BCKDHB: variants seen among roughly 807,000 people sequenced by gnomAD.
The protein encoded by BCKDHB is branched chain keto acid dehydrogenase E1 subunit beta.
In BCKDHB, 41 loss-of-function variants were observed where a neutral mutation model predicts 48.5. The observed-to-expected ratio is 0.85, with a 90% CI of 0.66 to 1.10. BCKDHB has a LOEUF of 1.10. BCKDHB is among the 50% of genes least tolerant of loss of function. BCKDHB has a pLI of 0.00. For missense variants in BCKDHB, 496 were observed against 494.2 expected, an observed-to-expected ratio of 1.00 and a Z score of -0.03; for synonymous variants, 201 against 174.8, an observed-to-expected ratio of 1.15 and a Z score of -1.18.
chr6:80,308,695 C>T (rs1001772386), intron 9 of BCKDHB, among the ~76,000 whole-genome samples: 1 of 150,214 alleles, frequency 6.7e-6, no homozygotes, highest in East Asian at 2.0e-4. Flanking sequence ...CCCAGGTTCA[C>T]GCCATTCTCC....
chr6:80,250,207 A>G (rs1776779961), intron 8 of BCKDHB, among the ~76,000 whole-genome samples: 2 of 152,132 alleles, frequency 1.3e-5, no homozygotes, highest in African/African-American at 2.4e-5. Context: ...GGTTGAGGAG[A>G]TAACTGAAGC....
At chr6:80,341,706 C>T (rs1769914681) in intron 9 of BCKDHB, among the ~76,000 whole-genome samples, 1 of 152,144 alleles carries the variant, frequency 6.6e-6, no homozygotes, top group Admixed American at 6.5e-5. Flanking sequence ...CATTTTATAA[C>T]AGGTATAAAA....
the BCKDHB span, among the ~76,000 whole-genome samples, chr6:80,400,918 CA>C: frequency 7.9e-5 from 12 of 151,966 alleles, no homozygotes; most frequent in Non-Finnish European, 1.5e-5. Flanking sequence ...CTGGCAGCAA[CA>C]TGGATGGAGC....
chr6:80,352,559 ATTGC>A, the BCKDHB span, among the ~76,000 whole-genome samples: 1 of 152,274 alleles, frequency 6.6e-6, no homozygotes, highest in South Asian at 2.1e-4. Context: ...TTAGGTTTCT[ATTGC>A]TTGCAACCAA....
chr6:80,196,615 G>GA (rs1359954917), intron 6 of BCKDHB, among the ~76,000 whole-genome samples: 1 of 151,990 alleles, frequency 6.6e-6, no homozygotes, highest in African/African-American at 2.4e-5. Context: ...ACTATTCAAT[G>GA]AAAAATGTAT....
intron 8 of BCKDHB, among the ~76,000 whole-genome samples, chr6:80,222,082 A>T (rs905110050): frequency 6.6e-6 from 1 of 152,114 alleles, no homozygotes; most frequent in African/African-American, 2.4e-5. Context: ...TGAACATTGT[A>T]CCCAGTGGGT....
chr6:80,177,703 A>G (rs1462507686), intron 6 of BCKDHB, among the ~76,000 whole-genome samples: 1 of 152,164 alleles, frequency 6.6e-6, no homozygotes, highest in Non-Finnish European at 1.5e-5. Flanking sequence ...CTGTAGTACT[A>G]TCAAGGTAGA....
At chr6:80,318,723 A>G (rs1421735431) in intron 9 of BCKDHB, among the ~76,000 whole-genome samples, 2 of 151,598 alleles carry the variant, frequency 1.3e-5, no homozygotes, top group Non-Finnish European at 2.9e-5. Flanking sequence ...ATTAGAAAAA[A>G]AAATTGTACT....
At chr6:80,353,302 A>G in the BCKDHB span, among the ~76,000 whole-genome samples, 16 of 152,264 alleles carry the variant, frequency 1.1e-4, 1 homozygote, top group African/African-American at 2.4e-4. Flanking sequence ...TCTTTATCCA[A>G]TCATTCGTTG....
chr6:80,435,848 G>A, the BCKDHB span, among the ~76,000 whole-genome samples: 1 of 152,084 alleles, frequency 6.6e-6, no homozygotes, highest in African/African-American at 2.4e-5. Flanking sequence ...CCTGACCAAC[G>A]TGGTAAAAAC....
chr6:80,219,441 G>A (rs1373674721), intron 8 of BCKDHB, among the ~76,000 whole-genome samples: 1 of 151,866 alleles, frequency 6.6e-6, no homozygotes, highest in Non-Finnish European at 1.5e-5. Flanking sequence ...TCCTGACTTC[G>A]GGTGATCCAC....
the BCKDHB span, among the ~76,000 whole-genome samples, chr6:80,385,979 T>C: frequency 3.9e-5 from 6 of 152,202 alleles, no homozygotes; most frequent in Non-Finnish European, 7.4e-5. Context: ...CTTGGTTAGC[T>C]GAAATGCGGA....
the BCKDHB span, chr6:80,462,875 T>C: frequency 2.0e-5 from 3 of 152,228 alleles, no homozygotes; most frequent in Non-Finnish European, 4.4e-5. Context: ...TCTATAGTTC[T>C]GCCGGAGGCC....
intron 3 of BCKDHB, among the ~76,000 whole-genome samples, chr6:80,138,280 A>G (rs1243459096): frequency 7.6e-6 from 1 of 132,134 alleles, no homozygotes; most frequent in Non-Finnish European, 1.7e-5. Flanking sequence ...AAACATAAAA[A>G]TAAGGAATTC....
chr6:80,239,821 G>A (rs566762953), intron 8 of BCKDHB, among the ~76,000 whole-genome samples: 5 of 152,154 alleles, frequency 3.3e-5, no homozygotes, highest in East Asian at 1.9e-4. Flanking sequence ...TTCTACGTAT[G>A]GCTAGCCAGT....
At chr6:80,426,546 C>G in the BCKDHB span, among the ~76,000 whole-genome samples, 1 of 152,052 alleles carries the variant, frequency 6.6e-6, no homozygotes, top group African/African-American at 2.4e-5. Flanking sequence ...GTTAAAAATG[C>G]TTGTAAATTT....
chr6:80,368,127 C>T, the BCKDHB span, among the ~76,000 whole-genome samples: 2 of 152,154 alleles, frequency 1.3e-5, no homozygotes, highest in Non-Finnish European at 2.9e-5. Context: ...ATTTCATTCA[C>T]CTTTATAAAT....
intron 3 of BCKDHB, among the ~76,000 whole-genome samples, chr6:80,165,132 A>G (rs1772508163): frequency 6.6e-6 from 1 of 152,196 alleles, no homozygotes; most frequent in Non-Finnish European, 1.5e-5. Flanking sequence ...CCCATGAACT[A>G]GCAAGGAATC....
At chr6:80,441,436 A>G in the BCKDHB span, among the ~76,000 whole-genome samples, 5 of 152,178 alleles carry the variant, frequency 3.3e-5, no homozygotes, top group Non-Finnish European at 7.4e-5. Context: ...TCACAAGAGA[A>G]CCTGCCACTT....
Sources: allele counts gnomAD v4.1 joint callset (sites outside exome capture counted in the v4.1 genomes callset), GRCh38; gene constraint gnomAD v4.1.1; transcripts MANE v1.5; gene names NCBI Gene and HGNC (gene_info 2026-07-23, HGNC 2026-07-21).